Variants in PCDH15 observed in about 807,000 individuals in gnomAD.
PCDH15 encodes the protein protocadherin related 15.
A neutral mutation model predicts 178.5 loss-of-function variants in PCDH15; 129 were observed. The ratio of observed to expected loss-of-function variants is 0.72; its 90% CI spans 0.63 to 0.84. The LOEUF is 0.84. Ranked by LOEUF, PCDH15 falls within the 40% of genes least tolerant of loss-of-function variation. PCDH15 has a pLI of 0.00. For synonymous variants in PCDH15, 800 were observed against 732.0 expected, an observed-to-expected ratio of 1.09 and a Z score of -1.50; for missense variants, 2,230 against 2,099.9, an observed-to-expected ratio of 1.06 and a Z score of -1.21.
At chr10:55,616,922 T>A (rs965475869) in intron 2 of PCDH15, among the ~76,000 whole-genome samples, 2 of 152,060 alleles carry the variant, frequency 1.3e-5, no homozygotes, top group Non-Finnish European at 2.9e-5. Flanking sequence ...TTAAGTACAT[T>A]ATTATGTTAC....
chr10:54,827,319 T>TA (rs1352509504), intron 3 of PCDH15, among the ~76,000 whole-genome samples: 1 of 152,096 alleles, frequency 6.6e-6, no homozygotes, highest in Non-Finnish European at 1.5e-5. Context: ...AATACTGCAG[T>TA]GAACACTTTA....
At chr10:55,317,997 T>C (rs1288133963) in intron 1 of PCDH15, among the ~76,000 whole-genome samples, 1 of 152,142 alleles carries the variant, frequency 6.6e-6, no homozygotes, top group Non-Finnish European at 1.5e-5. Context: ...AAAATTGTCG[T>C]CTACATAAAG....
chr10:55,568,373 A>G (rs1032389538), intron 2 of PCDH15, among the ~76,000 whole-genome samples: 7 of 152,018 alleles, frequency 4.6e-5, no homozygotes, highest in African/African-American at 1.2e-4. Flanking sequence ...TCCTCAGAAC[A>G]GACAGTGAAA....
chr10:55,059,241 C>T (rs1382863111), intron 2 of PCDH15, among the ~76,000 whole-genome samples: 1 of 152,118 alleles, frequency 6.6e-6, no homozygotes, highest in Non-Finnish European at 1.5e-5. Flanking sequence ...AACCTTCCTA[C>T]CAACCCATAA....
chr10:53,916,672 T>C (rs1267618556), intron 25 of PCDH15, among the ~76,000 whole-genome samples: 2 of 152,196 alleles, frequency 1.3e-5, no homozygotes, highest in Non-Finnish European at 2.9e-5. Context: ...ACTTTAAGCA[T>C]AAACTTTGGA....
chr10:54,345,132 C>T (rs530653219), intron 6 of PCDH15, among the ~76,000 whole-genome samples: 241 of 151,718 alleles, frequency 1.6e-3, no homozygotes, highest in Non-Finnish European at 2.8e-3. Context: ...ACTTCACTTA[C>T]GAGTTTTCTT....
chr10:54,881,248 G>A (rs1236854070), intron 3 of PCDH15, among the ~76,000 whole-genome samples: 1 of 152,046 alleles, frequency 6.6e-6, no homozygotes, highest in Non-Finnish European at 1.5e-5. Context: ...GGGGCCAGTA[G>A]GAATTAAAGA....
intron 2 of PCDH15, among the ~76,000 whole-genome samples, chr10:55,469,721 A>G (rs1010716509): frequency 2.0e-5 from 3 of 152,044 alleles, no homozygotes; most frequent in Admixed American, 1.3e-4. Context: ...TTTAATTTTC[A>G]AGAATAGTAT....
intron 1 of PCDH15, among the ~76,000 whole-genome samples, chr10:54,726,181 C>A (rs1040457317): frequency 1.3e-5 from 2 of 151,280 alleles, no homozygotes; most frequent in African/African-American, 2.4e-5. Context: ...AATATATTGA[C>A]CACAGTTTTA....
chr10:54,107,113 T>C (rs2094930093), intron 15 of PCDH15, among the ~76,000 whole-genome samples: 1 of 152,216 alleles, frequency 6.6e-6, no homozygotes, highest in South Asian at 2.1e-4. Flanking sequence ...CGTATTAATA[T>C]TTTATTAATA....
intron 18 of PCDH15, among the ~76,000 whole-genome samples, chr10:54,037,187 G>C (rs913843818): frequency 4.6e-5 from 7 of 151,900 alleles, no homozygotes; most frequent in African/African-American, 1.7e-4. Flanking sequence ...TGTTGAAATA[G>C]CAACAGATAA....
At chr10:54,435,750 C>G (rs998536644) in intron 3 of PCDH15, among the ~76,000 whole-genome samples, 1 of 151,988 alleles carries the variant, frequency 6.6e-6, no homozygotes, top group African/African-American at 2.4e-5. Flanking sequence ...AAGGGCGGAT[C>G]ACGAGATCAG....
intron 26 of PCDH15, among the ~76,000 whole-genome samples, chr10:53,879,749 C>T (rs560806411): frequency 2.0e-5 from 3 of 152,234 alleles, no homozygotes; most frequent in African/African-American, 4.8e-5. Flanking sequence ...GGACTACAGG[C>T]GCGCACCACC....
intron 15 of PCDH15, among the ~76,000 whole-genome samples, chr10:54,127,439 A>G (rs2042077014): frequency 6.6e-6 from 1 of 152,184 alleles, no homozygotes; most frequent in South Asian, 2.1e-4. Flanking sequence ...TATTTTGACT[A>G]TTTGTAGAAG....
At chr10:54,212,404 G>C (rs556234968) in intron 10 of PCDH15, among the ~76,000 whole-genome samples, 1 of 151,928 alleles carries the variant, frequency 6.6e-6, no homozygotes, top group Admixed American at 6.6e-5. Context: ...GTGGTCTGAC[G>C]CTATACCTCA....
intron 1 of PCDH15, among the ~76,000 whole-genome samples, chr10:54,705,896 G>C (rs1395628817): frequency 6.6e-6 from 1 of 152,020 alleles, no homozygotes; most frequent in African/African-American, 2.4e-5. Flanking sequence ...AAAAATTTCT[G>C]AACAGTATTG....
intron 3 of PCDH15, among the ~76,000 whole-genome samples, chr10:54,892,122 C>T (rs1020785249): frequency 6.6e-6 from 1 of 152,048 alleles, no homozygotes; most frequent in Non-Finnish European, 1.5e-5. Flanking sequence ...TTGGAGGAAA[C>T]ATTGGCAACA....
chr10:53,985,967 C>T (rs1478128455), intron 21 of PCDH15, among the ~76,000 whole-genome samples: 1 of 152,200 alleles, frequency 6.6e-6, no homozygotes, highest in Non-Finnish European at 1.5e-5. Flanking sequence ...ATCATTTCAA[C>T]ATCACAGCAA....
chr10:54,261,853 C>T (rs2057338962), intron 8 of PCDH15, among the ~76,000 whole-genome samples: 1 of 152,214 alleles, frequency 6.6e-6, no homozygotes, highest in East Asian at 1.9e-4. Flanking sequence ...TGGAGAGGAA[C>T]CCAAATATCC....
Sources: allele counts gnomAD v4.1 joint callset (sites outside exome capture counted in the v4.1 genomes callset), GRCh38; gene constraint gnomAD v4.1.1; transcripts MANE v1.5; gene names NCBI Gene and HGNC (gene_info 2026-07-23, HGNC 2026-07-21).